The following TMEM161B variants were observed in gnomAD, a reference collection of about 807,000 sequenced individuals.
The protein encoded by TMEM161B is transmembrane protein 161B.
Under a neutral mutation model 61.8 loss-of-function variants are expected in TMEM161B, and 34 were observed. The ratio of observed to expected loss-of-function variants is 0.55; its 90% CI spans 0.42 to 0.73. TMEM161B has a LOEUF of 0.73. TMEM161B is among the 30% of genes least tolerant of loss of function. The pLI is 0.00. For missense variants in TMEM161B, 456 were observed against 558.5 expected, an observed-to-expected ratio of 0.82 and a Z score of 1.85; for synonymous variants, 167 against 192.8, an observed-to-expected ratio of 0.87 and a Z score of 1.11.
downstream of TMEM161B, among the ~76,000 whole-genome samples, chr5:88,186,519 T>C (rs1366290834): frequency 1.3e-5 from 2 of 152,232 alleles, no homozygotes; most frequent in Admixed American, 1.3e-4. Flanking sequence ...TTATATATCC[T>C]GATTCCAGTC....
chr5:88,198,911 A>ATTT, intron 10 of TMEM161B, 65 bp downstream of exon 10: 51 of 1,237,432 alleles, frequency 4.1e-5, no homozygotes, highest in Admixed American at 5.3e-5. Flanking sequence ...AAGGAAACCA[A>ATTT]TTTTTTTTTT....
At chr5:88,188,283 T>A (rs1748485807), downstream of TMEM161B, among the ~76,000 whole-genome samples, 1 of 149,478 alleles carries the variant, frequency 6.7e-6, no homozygotes, top group Non-Finnish European at 1.5e-5. Context: ...TTTTGTATTT[T>A]TTTTTTTTTT....
At position 88,218,742 on chromosome 5, in the gene TMEM161B, T is replaced by A. The variant is rs147207264; in HGVS notation, c.446+1821A>T. On this transcript the variant is annotated intron_variant, in intron 5 of 11. Transcript: ENST00000296595. ...GATTGGCAGCTGCAGTTCTTAAGAGTAAGAATGGAACTTCAAAGACAAAAA... is the reference window on the plus strand; with the variant it reads ...GATTGGCAGCTGCAGTTCTTAAGAGAAAGAATGGAACTTCAAAGACAAAAA... 7.8e-3 allele frequency among the ~76,000 whole-genome samples: 1,186 copies of A among 152,110 alleles called. 14 individuals carry two copies. The highest frequency in any genetic ancestry group is 0.027 in the African/African-American group (1,110 of 41,484).
In TMEM161B at chr5:88,202,986, G is replaced by C. The variant is rs1035224866; in HGVS notation, c.890C>G (p.Pro297Arg). The change falls in exon 9 of 12, where the codon CCA becomes CGA. Residue 297 changes from proline (P) to arginine (R), a missense_variant. Around this residue, in one of 3 missense-constraint regions of TMEM161B, gnomAD observed 367 missense variants for 427.3 expected, o/e 0.86. Transcript: ENST00000296595. The stretch of plus-strand genomic sequence containing the variant: ...CAAAGGGATACTTTCTTTGCCCAGT[G>C]GTGGGTTCATAATGTAGTCTTTGGT... ...PITKDYIMNPPLGKESIPLMT... is the reference protein window; with the variant it reads ...PITKDYIMNPRLGKESIPLMT... 6 of 1,610,524 alleles carry C rather than the reference G, an allele frequency of 3.7e-6. No homozygotes were observed. The highest frequency in any genetic ancestry group is 3.3e-5 in the Admixed American group (2 of 59,910).
chr5:88,235,715 T>C (rs533224843), intron 2 of TMEM161B, among the ~76,000 whole-genome samples: 7 of 152,314 alleles, frequency 4.6e-5, no homozygotes, highest in African/African-American at 1.7e-4. Context: ...TACTTTGTAA[T>C]AGCAGCCCTA....
Position 88,206,508 on chromosome 5 carries a change from G to GAAAAA in TMEM161B, c.599-14_599-10dup. 1 of 1,307,876 alleles carries GAAAAA rather than the reference G, an allele frequency of 7.6e-7. No homozygotes were observed. Among genetic ancestry groups the GAAAAA allele is most frequent in the Non-Finnish European group, 1.0e-6 (1 of 962,746 alleles). The allele number at this position is 1,307,876 out of a possible 1,614,324, so 81.0% of individuals were successfully genotyped here. ...TGAAAAATTTGTAAACCCTGTGGGG[G>GAAAAA]AAAAAAAAAAAAACAACAGATTACT... On this transcript the variant is annotated splice_polypyrimidine_tract_variant and intron_variant, in intron 6 of 11. Transcript: ENST00000296595.
At position 88,199,258 on chromosome 5, in the gene TMEM161B, A is replaced by G. The variant is rs529724773; in HGVS notation, c.915-108T>C. On this transcript the variant is annotated intron_variant, in intron 9 of 11. Coordinates refer to ENST00000296595, the MANE Select transcript of TMEM161B (RefSeq NM_153354.5). ...AGATATAAGAAGTCTATACTTCGCA[A>G]CAGTTAGACACATAAAAGAATCTGA... 14 of 1,029,876 alleles carry G rather than the reference A, an allele frequency of 1.4e-5. No individual in the cohort carries two copies. In the East Asian group the frequency reaches 3.8e-4, roughly 28 times the overall value. 63.8% of individuals were successfully genotyped at this position (1,029,876 alleles called of 1,614,324 possible). A position where few individuals can be genotyped will look rare whatever the true frequency, so the allele number is the denominator to read the frequency against.
chr5:88,231,744 A>T (rs377685007), intron 2 of TMEM161B, among the ~76,000 whole-genome samples: 2 of 152,162 alleles, frequency 1.3e-5, no homozygotes, highest in African/African-American at 4.8e-5. Context: ...TATTCGCGGT[A>T]GTTAGGTTTT....
intron 1 of TMEM161B, among the ~76,000 whole-genome samples, chr5:88,262,968 T>G (rs1580747705): frequency 6.6e-6 from 1 of 152,186 alleles, no homozygotes; most frequent in Non-Finnish European, 1.5e-5. Flanking sequence ...TTTCATATAA[T>G]CGATTACTAT....
At chr5:88,190,266 C>G (rs759870072), downstream of TMEM161B, 217 of 700,426 alleles carry the variant, frequency 3.1e-4, no homozygotes, top group Admixed American at 3.0e-4. Context: ...ATTATGCTGT[C>G]GGCAGGTAAC....
chr5:88,213,370 C>T (rs1431853958), intron 5 of TMEM161B, among the ~76,000 whole-genome samples: 1 of 151,926 alleles, frequency 6.6e-6, no homozygotes, highest in East Asian at 1.9e-4. Flanking sequence ...CTTAGATATG[C>T]AGTTTCCATT....
At chr5:88,189,895 T>A in exon 13 of TMEM161B, 1 of 597,250 alleles carries the variant, frequency 1.7e-6, no homozygotes, top group East Asian at 2.8e-5. Context: ...GTCTGATTCA[T>A]CCGCTCCACC....
At chr5:88,187,026 T>A (rs561582160), downstream of TMEM161B, among the ~76,000 whole-genome samples, 6 of 152,372 alleles carry the variant, frequency 3.9e-5, no homozygotes, top group East Asian at 1.2e-3. Flanking sequence ...GGCTCTTGAA[T>A]TGATTCTTGT....
chr5:88,238,342 CA>C (rs936135752), intron 2 of TMEM161B, among the ~76,000 whole-genome samples: 11 of 139,930 alleles, frequency 7.9e-5, no homozygotes, highest in Non-Finnish European at 9.4e-5. Flanking sequence ...GAAGCCATAA[CA>C]AAAAAAAAAG....
intron 5 of TMEM161B, among the ~76,000 whole-genome samples, chr5:88,209,108 G>A (rs938198646): frequency 3.3e-5 from 5 of 152,136 alleles, no homozygotes; most frequent in African/African-American, 7.2e-5. Context: ...GGATTTTGGA[G>A]CATTTCGGAT....
intron 8 of TMEM161B, among the ~76,000 whole-genome samples, chr5:88,203,801 ATATATATAT>A (rs1744918210): frequency 8.1e-5 from 5 of 61,740 alleles, no homozygotes; most frequent in African/African-American, 2.8e-4. Flanking sequence ...ATATATATAT[ATATATATAT>A]ATATAATTTG....
chr5:88,227,065 T>A (rs1041060393), intron 3 of TMEM161B, among the ~76,000 whole-genome samples: 1 of 152,038 alleles, frequency 6.6e-6, no homozygotes, highest in Non-Finnish European at 1.5e-5. Flanking sequence ...GTTGCATGCA[T>A]CTGGTCTCAG....
intron 1 of TMEM161B, among the ~76,000 whole-genome samples, chr5:88,264,045 A>G (rs1190737223): frequency 6.6e-6 from 1 of 151,968 alleles, no homozygotes; most frequent in African/African-American, 2.4e-5. Flanking sequence ...TGGCAAAAGG[A>G]CCTCCAGTAT....
At chr5:88,210,036 CAAAGTTGTA>C (rs1388860211) in intron 5 of TMEM161B, among the ~76,000 whole-genome samples, 1 of 152,176 alleles carries the variant, frequency 6.6e-6, no homozygotes, top group African/African-American at 2.4e-5. Flanking sequence ...TATAGTGTGA[CAAAGTTGTA>C]AAGAAAGCAT....
Sources: gnomAD v4.1 joint callset for allele counts (sites outside exome capture counted in the v4.1 genomes callset) on GRCh38, gnomAD v4.1.1 for gene constraint, gnomAD v4.1.1 regional missense constraint, MANE v1.5 for transcripts, NCBI Gene and HGNC (gene_info 2026-07-23, HGNC 2026-07-21) for gene names.